The following SNTG1 variants were observed in gnomAD, a reference collection of about 807,000 sequenced individuals.
SNTG1 encodes the protein syntrophin gamma 1.
In SNTG1, 39 loss-of-function variants were observed where a neutral mutation model predicts 74.7. The ratio of observed to expected loss-of-function variants is 0.52; its 90% CI spans 0.40 to 0.68. SNTG1 has a LOEUF of 0.68. Among genes scored for constraint, SNTG1 ranks in the 30% least tolerant of loss-of-function variants. SNTG1 has a pLI of 0.00. For synonymous variants in SNTG1, 254 were observed against 217.1 expected (o/e 1.17, Z -1.49); for missense variants, 685 against 609.5 (o/e 1.12, Z -1.30).
Position 50,435,255 on chromosome 8 carries a change from A to G in SNTG1, c.163-3288A>G, listed in dbSNP as rs187353993. On this transcript the variant is annotated intron_variant, in intron 4 of 18. Coordinates refer to ENST00000642720, the MANE Select transcript of SNTG1 (RefSeq NM_018967.5). ...AAAAAGAAGATTAAATAAAGGCATT[A>G]TATATATATGAAACTGTATAGGAGC... is the stretch of plus-strand genomic sequence containing the variant. Among the ~76,000 whole-genome samples the G allele has an allele frequency of 1.3e-3, 203 of 152,212 alleles. 1 individual carries two copies. Among genetic ancestry groups the G allele is most frequent in the African/African-American group, 4.7e-3 (195 of 41,540 alleles).
chr8:50,116,750 T>C (rs1184491786), intron 1 of SNTG1, among the ~76,000 whole-genome samples: 2 of 152,126 alleles, frequency 1.3e-5, no homozygotes, highest in African/African-American at 4.8e-5. Context: ...AGCATTTTGC[T>C]TGAGGAGTGC....
At chr8:50,409,712 C>G (rs1168521610) in intron 4 of SNTG1, among the ~76,000 whole-genome samples, 2 of 152,160 alleles carry the variant, frequency 1.3e-5, no homozygotes, top group Admixed American at 1.3e-4. Flanking sequence ...GTAGTATACC[C>G]TTCAATGGGC....
intron 4 of SNTG1, among the ~76,000 whole-genome samples, chr8:50,403,834 T>G (rs2131361139): frequency 6.6e-6 from 1 of 152,346 alleles, no homozygotes. Flanking sequence ...AACTGTCATC[T>G]AATTAAAGCC....
intron 2 of SNTG1, among the ~76,000 whole-genome samples, chr8:50,389,769 C>T (rs1359378154): frequency 2.6e-5 from 4 of 152,196 alleles, no homozygotes; most frequent in Admixed American, 6.6e-5. Flanking sequence ...TTTTAATGAT[C>T]GCCATTCTAA....
At chr8:50,692,378 G>A (rs1173670712) in intron 15 of SNTG1, among the ~76,000 whole-genome samples, 1 of 152,012 alleles carries the variant, frequency 6.6e-6, no homozygotes, top group Admixed American at 6.6e-5. Context: ...CATCTTTGTG[G>A]TTTTATCTAC....
At chr8:50,642,606 C>T (rs543657408) in intron 13 of SNTG1, among the ~76,000 whole-genome samples, 1 of 152,120 alleles carries the variant, frequency 6.6e-6, no homozygotes, top group African/African-American at 2.4e-5. Context: ...CCTTGCTGTC[C>T]CCTCAGCCTT....
chr8:50,297,821 T>C (rs537312026), intron 2 of SNTG1, among the ~76,000 whole-genome samples: 1 of 151,962 alleles, frequency 6.6e-6, no homozygotes, highest in Non-Finnish European at 1.5e-5. Flanking sequence ...GAGGGGATTA[T>C]TGTGGTGTGG....
At chr8:50,657,491 T>G (rs2095190522) in intron 14 of SNTG1, among the ~76,000 whole-genome samples, 2 of 152,154 alleles carry the variant, frequency 1.3e-5, no homozygotes, top group Admixed American at 1.3e-4. Flanking sequence ...TCTTTTAAAT[T>G]TATTCAGCAC....
At chr8:50,196,715 G>A (rs1023357850) in intron 2 of SNTG1, among the ~76,000 whole-genome samples, 3 of 151,554 alleles carry the variant, frequency 2.0e-5, no homozygotes, top group Non-Finnish European at 4.4e-5. Context: ...CCAGGACTTC[G>A]AGAAGCTGAG....
chr8:50,650,413 T>C (rs1325224857), intron 13 of SNTG1, among the ~76,000 whole-genome samples: 7 of 152,150 alleles, frequency 4.6e-5, no homozygotes, highest in Admixed American at 4.6e-4. Context: ...TTTAGATTCA[T>C]TCACATTGTT....
At chr8:50,603,637 G>C (rs1479790355) in intron 13 of SNTG1, among the ~76,000 whole-genome samples, 1 of 152,112 alleles carries the variant, frequency 6.6e-6, no homozygotes, top group African/African-American at 2.4e-5. Context: ...GTCTAGGCTT[G>C]TTAGTACCTT....
chr8:50,518,288 C>A (rs1316743440), intron 9 of SNTG1, among the ~76,000 whole-genome samples: 1 of 152,150 alleles, frequency 6.6e-6, no homozygotes, highest in East Asian at 1.9e-4. Flanking sequence ...ACCAGAATGT[C>A]TGGGACACAG....
At chr8:50,102,976 T>C (rs1036871701) in intron 1 of SNTG1, among the ~76,000 whole-genome samples, 18 of 151,582 alleles carry the variant, frequency 1.2e-4, no homozygotes, top group African/African-American at 4.4e-4. Flanking sequence ...TGTAGTATAG[T>C]TTGAAGTCAG....
rs946305077 is a variant in SNTG1 at position 50,153,462 on chromosome 8, G to A, written c.-102-19099G>A. Among the ~76,000 whole-genome samples the A allele has an allele frequency of 2.6e-5, 4 of 152,192 alleles. 1 individual carries two copies. The South Asian group carries it at 6.2e-4, about 24-fold the overall frequency. On this transcript the variant is annotated intron_variant, in intron 1 of 18. Transcript: ENST00000642720. ...GCTGGCGAGGAGCTGTGTTCCTTTG[G>A]AGGGGGAGAGGTACTCTGATTTTTA...
intron 13 of SNTG1, among the ~76,000 whole-genome samples, chr8:50,654,898 G>A (rs1461726624): frequency 6.6e-6 from 1 of 152,136 alleles, no homozygotes; most frequent in East Asian, 1.9e-4. Flanking sequence ...AGCAGAGCAT[G>A]TTTACTAAGG....
At chr8:50,165,459 T>A (rs906280956) in intron 1 of SNTG1, among the ~76,000 whole-genome samples, 2 of 152,234 alleles carry the variant, frequency 1.3e-5, no homozygotes, top group Non-Finnish European at 2.9e-5. Context: ...ATACTGATGT[T>A]TGCTGTAGAG....
chr8:50,422,277 A>ATCTATCTATCTG (rs759085505), intron 4 of SNTG1, among the ~76,000 whole-genome samples: 2,771 of 151,682 alleles, frequency 0.018, 39 homozygotes, highest in South Asian at 0.041. Flanking sequence ...TCTACTATCT[A>ATCTATCTATCTG]TCTATCTATG....
intron 17 of SNTG1, among the ~76,000 whole-genome samples, chr8:50,735,912 C>T (rs1422804594): frequency 6.6e-6 from 1 of 152,078 alleles, no homozygotes; most frequent in Admixed American, 6.6e-5. Context: ...ATCAGACTAA[C>T]AGTGGATCTC....
chr8:50,744,300 T>A (rs1488438479), intron 17 of SNTG1, among the ~76,000 whole-genome samples: 1 of 151,910 alleles, frequency 6.6e-6, no homozygotes, highest in Non-Finnish European at 1.5e-5. Flanking sequence ...CAATGAATAA[T>A]CTGGAAAAGC....
Sources: allele counts gnomAD v4.1 joint callset (sites outside exome capture counted in the v4.1 genomes callset), GRCh38; gene constraint gnomAD v4.1.1; transcripts MANE v1.5; gene names NCBI Gene and HGNC (gene_info 2026-07-23, HGNC 2026-07-21).